The following GPD1L variants were observed in gnomAD, a reference collection of about 807,000 sequenced individuals.
GPD1L encodes glycerol-3-phosphate dehydrogenase 1-like protein.
In GPD1L, 17 loss-of-function variants were observed where a neutral mutation model predicts 32.9. The observed-to-expected ratio is 0.52, with a 90% CI of 0.35 to 0.78. The LOEUF (loss-of-function observed/expected upper bound fraction) is 0.78, where lower values mean the gene tolerates loss of function less well. Among genes scored for constraint, GPD1L ranks in the 30% least tolerant of loss-of-function variants. The probability of loss-of-function intolerance (pLI) is 0.01; values close to 1 mark genes in which losing one functional copy is unlikely to be tolerated. For missense variants in GPD1L, 361 were observed against 447.8 expected (o/e 0.81, Z 1.75); for synonymous variants, 187 against 165.9 (o/e 1.13, Z -0.98).
At chr3:32,151,506 G>GTCTC in intron 5 of GPD1L, 1 of 312,264 alleles carries the variant, frequency 3.2e-6, no homozygotes, top group Non-Finnish European at 5.9e-6. Flanking sequence ...TTGAGACAGG[G>GTCTC]TCTCACTCTG....
chr3:32,128,291 G>A, intron 2 of GPD1L, 38 bp downstream of exon 2: 2 of 1,544,890 alleles, frequency 1.3e-6, no homozygotes, highest in Non-Finnish European at 1.8e-6. Flanking sequence ...GGTTCATTCT[G>A]CAAGTTGTGC....
At chr3:32,119,406 A>C (rs927196082) in intron 1 of GPD1L, among the ~76,000 whole-genome samples, 2 of 152,216 alleles carry the variant, frequency 1.3e-5, no homozygotes, top group Non-Finnish European at 2.9e-5. Context: ...ACATTCTATC[A>C]TAAGCATTTT....
chr3:32,140,394 G>C (rs757732023), intron 4 of GPD1L, 28 bp downstream of exon 4: 2 of 1,612,894 alleles, frequency 1.2e-6, no homozygotes, highest in Non-Finnish European at 1.7e-6. Flanking sequence ...GGGACCCCAG[G>C]AGTCTGGACA....
chr3:32,140,961 A>T (rs935317333), intron 4 of GPD1L, among the ~76,000 whole-genome samples: 1 of 152,194 alleles, frequency 6.6e-6, no homozygotes, highest in Admixed American at 6.5e-5. Flanking sequence ...ACGTTATGAA[A>T]ATTTTCATTT....
intron 1 of GPD1L, among the ~76,000 whole-genome samples, chr3:32,119,920 C>A (rs1700384860): frequency 6.6e-6 from 1 of 152,106 alleles, no homozygotes; most frequent in Non-Finnish European, 1.5e-5. Flanking sequence ...TCCTTTCTGG[C>A]CTCAAAGAAA....
intron 1 of GPD1L, 34 bp from the exon 2 acceptor site, chr3:32,128,042 T>C: frequency 6.7e-7 from 1 of 1,481,838 alleles, no homozygotes; most frequent in African/African-American, 1.4e-5. Flanking sequence ...CCCAAGTGAG[T>C]TTATGTTTTT....
chr3:32,160,950 G>T (rs1337794443), intron 7 of GPD1L, among the ~76,000 whole-genome samples: 1 of 152,194 alleles, frequency 6.6e-6, no homozygotes, highest in Non-Finnish European at 1.5e-5. Context: ...ATACTCTCTA[G>T]GGGAGGGGAG....
chr3:32,148,597 A>G (rs1264814373), intron 5 of GPD1L, among the ~76,000 whole-genome samples: 1 of 152,242 alleles, frequency 6.6e-6, no homozygotes, highest in Non-Finnish European at 1.5e-5. Context: ...TCTTGCACAG[A>G]TAAGGAAATC....
chr3:32,155,282 G>T (rs1055089122), intron 5 of GPD1L, among the ~76,000 whole-genome samples: 3 of 152,130 alleles, frequency 2.0e-5, no homozygotes, highest in African/African-American at 7.2e-5. Flanking sequence ...AGCCTCAGTT[G>T]TGCCAGTTGG....
chr3:32,140,296 C>T lies in GPD1L; in HGVS notation c.435C>T (p.Asp145=), dbSNP rs1367336326. 8 of 1,613,960 alleles carry T rather than the reference C, an allele frequency of 5.0e-6. No individual in the cohort carries two copies. In the East Asian group the frequency reaches 8.9e-5, roughly 18 times the overall value. ...TCATCCGTGAGAAGATGGGTATTGA[C>T]ATCAGTGTGCTGATGGGAGCCAACA... The part of the protein sequence containing the change: ...SDIIREKMGI[D]ISVLMGANIA... Residue 145 remains aspartate, a synonymous_variant, in exon 4 of 8, where the codon GAC becomes GAT. Transcript: ENST00000282541.
Position 32,168,662 on chromosome 3 carries a change from G to A in GPD1L, c.*2752G>A, listed in dbSNP as rs1670171133. 1 of 152,556 alleles carries A rather than the reference G, an allele frequency of 6.6e-6. No individual in the cohort carries two copies. Among genetic ancestry groups the A allele is most frequent in the South Asian group, 2.1e-4 (1 of 4,822 alleles). The allele number at this position is 152,556 out of a possible 1,614,324, so 9.5% of individuals were successfully genotyped here. A position where few individuals can be genotyped will look rare whatever the true frequency, so the allele number is the denominator to read the frequency against. ...CTATATTTGTTTATAGACTGTAGGT[G>A]GATATATAATTTAAAAGCTTGATTT... On this transcript the variant is annotated 3_prime_UTR_variant, in exon 8 of 8. Transcript: ENST00000282541.
Position 32,168,355 on chromosome 3 carries a change from T to G in GPD1L, c.*2445T>G, listed in dbSNP as rs1218208020. On this transcript the variant is annotated 3_prime_UTR_variant, in exon 8 of 8. Transcript: ENST00000282541. ...GGTAACAGGGAGGGAGACACCTAGA[T>G]TAGCAGCTCAATTTGTACTACTTCA... 6.5e-6 allele frequency: 1 copy of G among 152,680 alleles called. No individual in the cohort carries two copies. Among genetic ancestry groups the G allele is most frequent in the African/African-American group, 2.4e-5 (1 of 41,462 alleles). 9.5% of individuals were successfully genotyped at this position (152,680 alleles called of 1,614,324 possible).
At chr3:32,129,430 G>A (rs1382468220) in intron 2 of GPD1L, among the ~76,000 whole-genome samples, 2 of 152,188 alleles carry the variant, frequency 1.3e-5, no homozygotes, top group African/African-American at 4.8e-5. Flanking sequence ...ACTGTGCTAA[G>A]CAATACATTT....
chr3:32,115,705 T>A (rs1277207316), intron 1 of GPD1L, among the ~76,000 whole-genome samples: 1 of 146,638 alleles, frequency 6.8e-6, no homozygotes, highest in Non-Finnish European at 1.5e-5. Flanking sequence ...TGTAGCTACC[T>A]CAGCTTGATG....
At position 32,138,719 on chromosome 3, in the gene GPD1L, C is replaced by G; in HGVS notation, c.358C>G (p.Leu120Val). 6.2e-7 allele frequency: 1 copy of G among 1,614,010 alleles called. No individual in the cohort carries two copies. The highest frequency in any genetic ancestry group is 8.5e-7 in the Non-Finnish European group (1 of 1,179,926). Residue 120 changes from leucine to valine, a missense_variant, in exon 3 of 8, where the codon CTC (leucine) becomes GTC (valine). By Grantham distance (32) the Leu-to-Val change is conservative. Transcript: ENST00000282541. ...RVPKKALGIT[L>V]IKGIDEGPEG... ...GCCCAAGAAAGCGCTGGGAATCACCCTCATCAAGGTAACTCGAGTGCATGC... is the reference window on the plus strand; with the variant it reads ...GCCCAAGAAAGCGCTGGGAATCACCGTCATCAAGGTAACTCGAGTGCATGC...
chr3:32,142,401 G>A (rs1559577719), intron 4 of GPD1L, among the ~76,000 whole-genome samples: 4 of 152,148 alleles, frequency 2.6e-5, no homozygotes, highest in African/African-American at 7.2e-5. Context: ...ACAGATGTGA[G>A]CCACCGCGCC....
At chr3:32,129,063 A>C (rs1430595405) in intron 2 of GPD1L, among the ~76,000 whole-genome samples, 1 of 152,156 alleles carries the variant, frequency 6.6e-6, no homozygotes, top group African/African-American at 2.4e-5. Flanking sequence ...GGGGAGTGAA[A>C]AGGGTGTACC....
rs772353668 is a variant in GPD1L, at chr3:32,128,148, G to T, written c.120G>T (p.Met40Ile). The change falls in exon 2 of 8, where the codon ATG becomes ATT. Residue 40 changes from methionine to isoleucine, a missense_variant. Transcript: ENST00000282541. ...AGAAATTTGCCTCCACAGTCAAGATGTGGGTCTTTGAAGAAACAGTGAATG... is the reference window on the plus strand; with the variant it reads ...AGAAATTTGCCTCCACAGTCAAGATTTGGGTCTTTGAAGAAACAGTGAATG... ...KLQKFASTVKMWVFEETVNGR... is the reference protein window; with the variant it reads ...KLQKFASTVKIWVFEETVNGR... 2 of 1,611,938 alleles carry T rather than the reference G, an allele frequency of 1.2e-6. No homozygotes were observed. The highest frequency in any genetic ancestry group is 1.1e-5 in the South Asian group (1 of 91,024).
chr3:32,133,731 G>A (rs1200255878), intron 2 of GPD1L, among the ~76,000 whole-genome samples: 1 of 152,186 alleles, frequency 6.6e-6, no homozygotes, highest in Non-Finnish European at 1.5e-5. Flanking sequence ...AGTCTGTGAT[G>A]ATGAAAGTGA....
Sources: gnomAD v4.1 joint callset for allele counts (sites outside exome capture counted in the v4.1 genomes callset) on GRCh38, gnomAD v4.1.1 for gene constraint, MANE v1.5 for transcripts, NCBI Gene and HGNC (gene_info 2026-07-23, HGNC 2026-07-21) for gene names.